The following ST6GAL1 variants were observed in gnomAD, a reference collection of about 807,000 sequenced individuals.
ST6GAL1 encodes the protein beta-galactoside alpha-2,6-sialyltransferase 1.
A neutral mutation model predicts 38.0 loss-of-function variants in ST6GAL1; 20 were observed. The ratio of observed to expected loss-of-function variants is 0.53; its 90% CI spans 0.37 to 0.77. ST6GAL1 has a LOEUF of 0.77. ST6GAL1 is among the 30% of genes least tolerant of loss of function. The pLI, the probability that ST6GAL1 is intolerant of heterozygous loss-of-function variation, is 0.00. For synonymous variants in ST6GAL1, 196 were observed against 188.2 expected (o/e 1.04, Z -0.34); for missense variants, 432 against 496.4 (o/e 0.87, Z 1.23).
chr3:186,946,735 T>A (rs187579799), intron 1 of ST6GAL1, among the ~76,000 whole-genome samples: 1 of 152,296 alleles, frequency 6.6e-6, no homozygotes, highest in East Asian at 1.9e-4. Flanking sequence ...TGACATTTTA[T>A]AAATAATGAA....
intron 1 of ST6GAL1, among the ~76,000 whole-genome samples, chr3:186,946,333 T>C (rs1714369484): frequency 6.6e-6 from 1 of 152,044 alleles, no homozygotes; most frequent in South Asian, 2.1e-4. Context: ...TCCTTTTCCT[T>C]ATAAAATAAA....
chr3:187,040,002 G>A (rs915512451), intron 3 of ST6GAL1, among the ~76,000 whole-genome samples: 1 of 152,244 alleles, frequency 6.6e-6, no homozygotes, highest in Non-Finnish European at 1.5e-5. Context: ...ACCTTGGAGA[G>A]TAGGTACTGG....
At chr3:187,006,457 C>T (rs996000368) in intron 2 of ST6GAL1, 2 of 152,192 alleles carry the variant, frequency 1.3e-5, no homozygotes, top group African/African-American at 4.8e-5. Context: ...CCTGTGTGCT[C>T]CTTTCCCCTT....
chr3:186,935,899 A>AC (rs1713934642), intron 1 of ST6GAL1, among the ~76,000 whole-genome samples: 1 of 152,056 alleles, frequency 6.6e-6, no homozygotes. Flanking sequence ...AAAAAAAAAA[A>AC]GAAAAAAACC....
intron 2 of ST6GAL1, among the ~76,000 whole-genome samples, chr3:187,006,710 C>T (rs530640493): frequency 3.0e-4 from 45 of 152,316 alleles, no homozygotes; most frequent in African/African-American, 1.0e-3. Context: ...GGAATTTTGG[C>T]AATCTGGCCC....
At chr3:186,976,973 G>C (rs993829152) in intron 2 of ST6GAL1, among the ~76,000 whole-genome samples, 3 of 152,198 alleles carry the variant, frequency 2.0e-5, no homozygotes, top group Non-Finnish European at 4.4e-5. Context: ...ATCCTGCCAA[G>C]ACCTTCTCCA....
intron 1 of ST6GAL1, among the ~76,000 whole-genome samples, chr3:186,960,690 A>G (rs1201560656): frequency 6.6e-6 from 1 of 152,114 alleles, no homozygotes; most frequent in South Asian, 2.1e-4. Flanking sequence ...AATTTAAGAT[A>G]GAAGAGTCAT....
chr3:186,944,298 C>T (rs879077912), intron 1 of ST6GAL1, among the ~76,000 whole-genome samples: 3 of 152,092 alleles, frequency 2.0e-5, no homozygotes, highest in African/African-American at 4.8e-5. Context: ...GCTGGAGGAA[C>T]GTGGGGTAAT....
At chr3:187,056,493 C>T (rs1316243615) in intron 5 of ST6GAL1, among the ~76,000 whole-genome samples, 1 of 152,126 alleles carries the variant, frequency 6.6e-6, no homozygotes, top group Non-Finnish European at 1.5e-5. Flanking sequence ...GTAAGGCAGG[C>T]CTGGTGGTGA....
At chr3:187,068,674 T>A (rs1330073259) in intron 5 of ST6GAL1, among the ~76,000 whole-genome samples, 1 of 152,196 alleles carries the variant, frequency 6.6e-6, no homozygotes. Context: ...AGCCAGGAGT[T>A]GCTGGCCTCC....
intron 2 of ST6GAL1, among the ~76,000 whole-genome samples, chr3:186,996,993 T>TTGAGGGGTTCTGTC (rs1716433325): frequency 6.6e-6 from 1 of 151,842 alleles, no homozygotes; most frequent in East Asian, 1.9e-4. Context: ...GTGTGGTGGT[T>TTGAGGGGTTCTGTC]TGAGGGGTTC....
At chr3:186,951,678 ACT>A (rs1471980521) in intron 1 of ST6GAL1, among the ~76,000 whole-genome samples, 1 of 151,894 alleles carries the variant, frequency 6.6e-6, no homozygotes, top group African/African-American at 2.4e-5. Flanking sequence ...CCCTATCCAT[ACT>A]CTCAGTTGAT....
At chr3:187,074,071 C>A in intron 6 of ST6GAL1, 88 bp from the exon 7 acceptor site, 2 of 1,235,214 alleles carry the variant, frequency 1.6e-6, no homozygotes, top group Non-Finnish European at 1.1e-6. Flanking sequence ...CCTTTCCCCT[C>A]CCCATGTCCA....
At chr3:187,054,392 A>G (rs1297094538) in intron 5 of ST6GAL1, among the ~76,000 whole-genome samples, 1 of 152,178 alleles carries the variant, frequency 6.6e-6, no homozygotes, top group Non-Finnish European at 1.5e-5. Flanking sequence ...TTCAAAGGGA[A>G]TGCTTCAGTT....
chr3:186,973,195 C>G (rs1443761224), intron 2 of ST6GAL1, among the ~76,000 whole-genome samples: 1 of 152,110 alleles, frequency 6.6e-6, no homozygotes, highest in Non-Finnish European at 1.5e-5. Context: ...GCCATCATGC[C>G]CAGCTAATTT....
intron 2 of ST6GAL1, among the ~76,000 whole-genome samples, chr3:186,982,491 G>A (rs547559608): frequency 6.6e-6 from 1 of 152,294 alleles, no homozygotes; most frequent in Non-Finnish European, 1.5e-5. Context: ...TGAGGGCCAG[G>A]AATTTGACTA....
chr3:187,027,758 A>G (rs1717597623), intron 2 of ST6GAL1, among the ~76,000 whole-genome samples: 2 of 152,148 alleles, frequency 1.3e-5, no homozygotes, highest in South Asian at 4.1e-4. Flanking sequence ...TGACCGCAAG[A>G]TGCTCACAAG....
intron 1 of ST6GAL1, among the ~76,000 whole-genome samples, chr3:186,938,431 T>A (rs1300709644): frequency 1.3e-5 from 2 of 152,298 alleles, no homozygotes; most frequent in South Asian, 4.1e-4. Flanking sequence ...GAGCATTAGA[T>A]GAAATCGTGG....
intron 5 of ST6GAL1, among the ~76,000 whole-genome samples, chr3:187,061,327 G>A (rs186512934): frequency 4.2e-4 from 64 of 152,230 alleles, no homozygotes; most frequent in African/African-American, 1.5e-3. Context: ...TAATGCAATC[G>A]TTGTGAAAAT....
Sources: gnomAD v4.1 joint callset for allele counts (sites outside exome capture counted in the v4.1 genomes callset) on GRCh38, gnomAD v4.1.1 for gene constraint, MANE v1.5 for transcripts, NCBI Gene and HGNC (gene_info 2026-07-23, HGNC 2026-07-21) for gene names.